Variants in REV1 observed in about 807,000 individuals in gnomAD.
The protein encoded by REV1 is REV1 DNA directed polymerase.
A neutral mutation model predicts 137.4 loss-of-function variants in REV1; 42 were observed. That is an observed-to-expected ratio of 0.31 (90% CI 0.24 to 0.40). The LOEUF is 0.40. Among genes scored for constraint, REV1 ranks in the 10% least tolerant of loss-of-function variants. REV1 has a pLI of 1.00. For synonymous variants in REV1, 524 were observed against 519.2 expected, an observed-to-expected ratio of 1.01 and a Z score of -0.12; for missense variants, 1,282 against 1,490.1, an observed-to-expected ratio of 0.86 and a Z score of 2.30.
intron 1 of REV1, among the ~76,000 whole-genome samples, chr2:99,484,249 C>T (rs1026509389): frequency 3.9e-5 from 6 of 152,102 alleles, no homozygotes; most frequent in South Asian, 2.1e-4. Context: ...AGGAGGGAAA[C>T]GAGCAGAAAA....
At position 99,404,573 on chromosome 2, in the gene REV1, T is replaced by C. The variant is rs148169783; in HGVS notation, c.2916A>G (p.Glu972=). 2.7e-5 allele frequency: 43 copies of C among 1,613,996 alleles called. No individual in the cohort carries two copies. Among genetic ancestry groups the C allele is most frequent in the South Asian group, 2.1e-4 (19 of 91,076 alleles). The change falls in exon 18 of 23, where the codon GAA becomes GAG. Residue 972 remains glutamate, a synonymous_variant. Transcript: ENST00000258428. ...TTCCTGTATTACAGCCATTTACTGGTTCTTTCTTTTTGTCGCCATGTGACT... is the reference window on the plus strand; with the variant it reads ...TTCCTGTATTACAGCCATTTACTGGCTCTTTCTTTTTGTCGCCATGTGACT... ...QAESHGDKKK[E]PVNGCNTGIL...
intron 7 of REV1, among the ~76,000 whole-genome samples, chr2:99,434,706 C>T (rs1680517205): frequency 3.9e-5 from 6 of 152,262 alleles, no homozygotes; most frequent in Middle Eastern, 3.4e-3. Context: ...CAGCAGTCAA[C>T]TCAGCCTTCC....
At chr2:99,433,699 G>A (rs984689454) in intron 8 of REV1, among the ~76,000 whole-genome samples, 2 of 152,048 alleles carry the variant, frequency 1.3e-5, no homozygotes, top group East Asian at 3.9e-4. Flanking sequence ...AAACAACCAT[G>A]AGAAAACTAA....
chr2:99,407,251 G>C (rs185236073), intron 15 of REV1, among the ~76,000 whole-genome samples: 1 of 151,162 alleles, frequency 6.6e-6, no homozygotes, highest in African/African-American at 2.4e-5. Flanking sequence ...CACCACACCC[G>C]GCTAATTTTT....
intron 9 of REV1, among the ~76,000 whole-genome samples, chr2:99,429,319 T>C (rs1290755749): frequency 5.9e-5 from 9 of 152,184 alleles, no homozygotes; most frequent in Non-Finnish European, 1.3e-4. Flanking sequence ...TAAAGACCTA[T>C]ACAAAAAGTT....
Position 99,400,972 on chromosome 2 carries a change from A to T in REV1, c.*269T>A. The T allele has an allele frequency of 4.5e-6, 1 of 222,558 alleles. No individual in the cohort carries two copies. The highest frequency in any genetic ancestry group is 9.7e-5 in the South Asian group (1 of 10,358). The allele number at this position is 222,558 out of a possible 1,614,324, so 13.8% of individuals were successfully genotyped here. A position where few individuals can be genotyped will look rare whatever the true frequency, so the allele number is the denominator to read the frequency against. On this transcript the variant is annotated 3_prime_UTR_variant, in exon 23 of 23. Transcript: ENST00000258428. ...ATATACATACAGTTCTTTATTAAAC[A>T]ACTGTAAACACTTCACTGTAAAAAT...
chr2:99,403,679 C>A lies in REV1; in HGVS notation c.3166+16G>T, dbSNP rs2104349977. ...CTTTGTCTTCATTTTTGTTACATGC[C>A]ACTTCCAAGGCTCACCAGATGCGCT... is the stretch of plus-strand genomic sequence containing the variant. On this transcript the variant is annotated intron_variant, in intron 19 of 22. Coordinates refer to ENST00000258428, the MANE Select transcript of REV1 (RefSeq NM_016316.4). The A allele has an allele frequency of 6.2e-7, 1 of 1,613,972 alleles. No homozygotes were observed. Among genetic ancestry groups the A allele is most frequent in the Non-Finnish European group, 8.5e-7 (1 of 1,180,000 alleles).
chr2:99,457,700 AAG>A (rs896086117), intron 3 of REV1, among the ~76,000 whole-genome samples: 1 of 151,830 alleles, frequency 6.6e-6, no homozygotes. Flanking sequence ...AAAAAAAAAA[AAG>A]AGAGAGAGAG....
intron 3 of REV1, among the ~76,000 whole-genome samples, chr2:99,452,754 A>G (rs1453796025): frequency 6.6e-6 from 1 of 152,234 alleles, no homozygotes; most frequent in Non-Finnish European, 1.5e-5. Flanking sequence ...ACTCCTGCCT[A>G]GAATCCACCC....
chr2:99,447,582 T>A lies in REV1; in HGVS notation c.350+1754A>T, dbSNP rs1304670021. The stretch of plus-strand genomic sequence containing the variant: ...ATAGTAACAGTAGCTTCTTATATAT[T>A]ACACCTCTACAACATGCTAGGCACT... On this transcript the variant is annotated intron_variant, in intron 4 of 22. Coordinates refer to ENST00000258428, the MANE Select transcript of REV1 (RefSeq NM_016316.4). Among the ~76,000 whole-genome samples, 5 of 152,332 alleles carry A rather than the reference T, an allele frequency of 3.3e-5. No homozygotes were observed. The East Asian group carries it at 9.6e-4, about 29-fold the overall frequency.
At chr2:99,461,615 GA>G (rs1411515600) in intron 3 of REV1, among the ~76,000 whole-genome samples, 1 of 152,158 alleles carries the variant, frequency 6.6e-6, no homozygotes, top group Non-Finnish European at 1.5e-5. Flanking sequence ...AAAATACAAT[GA>G]AATGATAAGA....
chr2:99,468,465 T>C (rs529857739), intron 1 of REV1, among the ~76,000 whole-genome samples: 1 of 152,344 alleles, frequency 6.6e-6, no homozygotes, highest in African/African-American at 2.4e-5. Context: ...TTACAATGTG[T>C]CCTCTTGACT....
chr2:99,447,740 G>A (rs1682404667), intron 4 of REV1, among the ~76,000 whole-genome samples: 1 of 148,576 alleles, frequency 6.7e-6, no homozygotes, highest in Non-Finnish European at 1.5e-5. Context: ...TCTTTTTCCT[G>A]AGACGGAGTC....
chr2:99,485,298 T>C (rs1441172634), intron 1 of REV1, among the ~76,000 whole-genome samples: 1 of 152,194 alleles, frequency 6.6e-6, no homozygotes, highest in Non-Finnish European at 1.5e-5. Context: ...CAATTCTTTC[T>C]TCTCTTATTT....
intron 3 of REV1, among the ~76,000 whole-genome samples, chr2:99,454,063 T>A (rs1683241406): frequency 6.6e-6 from 1 of 152,028 alleles, no homozygotes; most frequent in African/African-American, 2.4e-5. Context: ...GGTCTGGCTC[T>A]GTCACCCAGG....
rs927872507 is a variant in REV1, at chr2:99,489,802, C to T, written c.-11+15G>A. The T allele has an allele frequency of 2.7e-5, 4 of 149,262 alleles. No individual in the cohort carries two copies. The highest frequency in any genetic ancestry group is 2.7e-4 in the Admixed American group (4 of 15,058). 9.2% of individuals were successfully genotyped at this position (149,262 alleles called of 1,614,324 possible). A position where few individuals can be genotyped will look rare whatever the true frequency, so the allele number is the denominator to read the frequency against. Reference sequence around the variant, plus strand: ...GCCCCTCCCCCACCCCGCCGCCGGCCCGGGGGTCGCTCACCTTCCGCGTTG... The same window carrying T: ...GCCCCTCCCCCACCCCGCCGCCGGCTCGGGGGTCGCTCACCTTCCGCGTTG... On this transcript the variant is annotated intron_variant, in intron 1 of 22. Coordinates refer to ENST00000258428, the MANE Select transcript of REV1 (RefSeq NM_016316.4).
intron 3 of REV1, 36 bp downstream of exon 3, chr2:99,462,460 A>T (rs772279840): frequency 1.3e-6 from 2 of 1,563,312 alleles, no homozygotes; most frequent in Non-Finnish European, 1.7e-6. Flanking sequence ...TAATAAAAAT[A>T]CATGCCAAAA....
rs1327511115 is a variant in REV1 at position 99,430,079 on chromosome 2, G to GT, written c.1439-132dup. The GT allele has an allele frequency of 9.2e-4, 459 of 497,078 alleles. 1 individual carries two copies. Among genetic ancestry groups the GT allele is most frequent in the Non-Finnish European group, 1.3e-3 (360 of 286,178 alleles). 30.8% of individuals were successfully genotyped at this position (497,078 alleles called of 1,614,324 possible). A position where few individuals can be genotyped will look rare whatever the true frequency, so the allele number is the denominator to read the frequency against. ...ATTCCAAATACAGTTATCTCTATTG[G>GT]TATTATCTCCTTATCTAATAAAAGA... On this transcript the variant is annotated intron_variant, in intron 8 of 22. Transcript: ENST00000258428.
chr2:99,456,247 G>C (rs1350149172), intron 3 of REV1, among the ~76,000 whole-genome samples: 1 of 152,150 alleles, frequency 6.6e-6, no homozygotes, highest in Non-Finnish European at 1.5e-5. Context: ...AATACTTATT[G>C]AGTATCTACA....
Sources: gnomAD v4.1 joint callset for allele counts (sites outside exome capture counted in the v4.1 genomes callset) on GRCh38, gnomAD v4.1.1 for gene constraint, MANE v1.5 for transcripts, NCBI Gene and HGNC (gene_info 2026-07-23, HGNC 2026-07-21) for gene names.